IL10: variants seen among roughly 807,000 people sequenced by gnomAD.
IL10 encodes interleukin-10.
IL10 carries 7 observed loss-of-function variants against 21.0 expected under a neutral mutation model. The observed-to-expected ratio is 0.33, with a 90% CI of 0.19 to 0.63. The LOEUF is 0.63. Ranked by LOEUF, IL10 falls within the 20% of genes least tolerant of loss-of-function variation. The probability of loss-of-function intolerance (pLI) is 0.77; values close to 1 mark genes in which losing one functional copy is unlikely to be tolerated. For missense variants in IL10, 161 were observed against 213.0 expected, an observed-to-expected ratio of 0.76 and a Z score of 1.52; for synonymous variants, 83 against 79.7, an observed-to-expected ratio of 1.04 and a Z score of -0.22.
At chr1:206,771,511 TAAA>T in intron 1 of IL10, 96 bp from the exon 2 acceptor site, 2 of 1,060,920 alleles carry the variant, frequency 1.9e-6, no homozygotes, top group Non-Finnish European at 2.8e-6. Flanking sequence ...TTTTTTTTTT[TAAA>T]TAAAATTGGC....
Position 206,768,604 on chromosome 1 carries a change from C to CTATAGAGT in IL10, c.*31_*32insACTCTATA. On this transcript the variant is annotated 3_prime_UTR_variant, in exon 5 of 5. Transcript: ENST00000423557. The stretch of plus-strand genomic sequence containing the variant: ...GATTTTGGAGACCTCTAATTTATGT[C>CTATAGAGT]CTAGAGTCTATAGAGTCGCCACCCT... The CTATAGAGT allele has an allele frequency of 7.8e-7, 1 of 1,276,156 alleles. No individual in the cohort carries two copies. The highest frequency in any genetic ancestry group is 1.1e-6 in the Non-Finnish European group (1 of 872,598). 79.1% of individuals were successfully genotyped at this position (1,276,156 alleles called of 1,614,324 possible).
intron 3 of IL10, chr1:206,770,280 C>G (rs1227445052): frequency 5.5e-6 from 2 of 364,648 alleles, no homozygotes; most frequent in African/African-American, 4.2e-5. Flanking sequence ...CTACTGGGAC[C>G]AAACCCTTCA....
intron 4 of IL10, 83 bp from the exon 5 acceptor site, chr1:206,768,811 C>T: frequency 1.2e-6 from 1 of 833,400 alleles, no homozygotes; most frequent in Non-Finnish European, 2.1e-6. Flanking sequence ...CATGGATGGG[C>T]ATGACCTTGA....
chr1:206,771,296 A>G lies in IL10; in HGVS notation c.225+60T>C, dbSNP rs1674829646. ...ACCCAATTCCCTGCAATCAGGAAGC[A>G]GAGTCTCCCTTCCCTTAATCATGCT... On this transcript the variant is annotated intron_variant, in intron 2 of 4. Transcript: ENST00000423557. 2.1e-6 allele frequency: 3 copies of G among 1,453,098 alleles called. No homozygotes were observed. In the African/African-American group the frequency reaches 4.2e-5, roughly 20 times the overall value. 90.0% of individuals were successfully genotyped at this position (1,453,098 alleles called of 1,614,324 possible).
At position 206,768,499 on chromosome 1, in the gene IL10, A is replaced by G. The variant is rs1306122687; in HGVS notation, c.*137T>C. The G allele has an allele frequency of 6.2e-5, 41 of 660,952 alleles. No individual in the cohort carries two copies. In the Admixed American group the frequency reaches 9.4e-4, roughly 15 times the overall value. The allele number at this position is 660,952 out of a possible 1,614,324, so 40.9% of individuals were successfully genotyped here. ...AAATAGAAATGGGGGTTGAGGTATCAGAGGTAATAAATATTCTATAAGAGA... is the reference window on the plus strand; with the variant it reads ...AAATAGAAATGGGGGTTGAGGTATCGGAGGTAATAAATATTCTATAAGAGA... On this transcript the variant is annotated 3_prime_UTR_variant, in exon 5 of 5. Transcript: ENST00000423557.
rs1674737441 is a variant in IL10, at chr1:206,768,799, C to G, written c.445-71G>C. The G allele has an allele frequency of 3.3e-6, 3 of 902,858 alleles. No homozygotes were observed. The South Asian group carries it at 4.0e-5, about 12-fold the overall frequency. 55.9% of individuals were successfully genotyped at this position (902,858 alleles called of 1,614,324 possible). On this transcript the variant is annotated intron_variant, in intron 4 of 4. Transcript: ENST00000423557. ...ACTAAATAGGCTCCCCTCCCTCATG[C>G]TCATGGATGGGCATGACCTTGAGTG...
At position 206,772,482 on chromosome 1, in the gene IL10, G is replaced by T; in HGVS notation, c.-47C>A. The stretch of plus-strand genomic sequence containing the variant: ...TTGTGGTTTGGTTTTGCAAGAGCAA[G>T]CCCCTGATGTGTAGACCTTCACCTC... On this transcript the variant is annotated 5_prime_UTR_variant, in exon 1 of 5. Coordinates refer to ENST00000423557, the MANE Select transcript of IL10 (RefSeq NM_000572.3). 6.3e-7 allele frequency: 1 copy of T among 1,583,602 alleles called. No individual in the cohort carries two copies. The highest frequency in any genetic ancestry group is 8.7e-7 in the Non-Finnish European group (1 of 1,154,476).
intron 1 of IL10, among the ~76,000 whole-genome samples, 176 bp downstream of exon 1, chr1:206,772,095 G>A (rs1314376656): frequency 1.3e-5 from 2 of 152,196 alleles, no homozygotes; most frequent in East Asian, 3.8e-4. Flanking sequence ...ATCTGGCTTA[G>A]CTTAACTCAC....
intron 1 of IL10, among the ~76,000 whole-genome samples, chr1:206,771,979 T>G (rs1050855077): frequency 6.6e-6 from 1 of 152,238 alleles, no homozygotes; most frequent in Non-Finnish European, 1.5e-5. Context: ...TCTTTACTTC[T>G]CCTAGCCAAT....
At chr1:206,772,242 G>C (rs1472452994) in intron 1 of IL10, 29 bp downstream of exon 1, 2 of 1,605,282 alleles carry the variant, frequency 1.2e-6, no homozygotes, top group Non-Finnish European at 1.7e-6. Flanking sequence ...CCCAGGAAGA[G>C]AGAAAGGACA....
chr1:206,770,006 T>C lies in IL10; in HGVS notation c.379-112A>G, dbSNP rs3024494. 0.99 allele frequency: 787,570 copies of C among 792,986 alleles called. 391,266 individuals are homozygous for C. The highest frequency in any genetic ancestry group is 1 in the East Asian group (39,036 of 39,036). The allele number at this position is 792,986 out of a possible 1,614,324, so 49.1% of individuals were successfully genotyped here. A position where few individuals can be genotyped will look rare whatever the true frequency, so the allele number is the denominator to read the frequency against. On this transcript the variant is annotated intron_variant, in intron 3 of 4. Transcript: ENST00000423557. Reference sequence around the variant, plus strand: ...GGAGGCCAGATTTATCCAAATGCCTTGCCTCACAGCTCCCAGAGAGAACTG... The same window carrying C: ...GGAGGCCAGATTTATCCAAATGCCTCGCCTCACAGCTCCCAGAGAGAACTG...
chr1:206,771,355 C>T lies in IL10; in HGVS notation c.225+1G>A, dbSNP rs1674834967. On this transcript the variant is annotated splice_donor_variant, in intron 2 of 4. Transcript: ENST00000423557. LOFTEE classifies it high-confidence loss of function. ...CCCCAGCACCCCGCCCCTGCTCTCA[C>T]CTTAAAGTCCTCCAGCAAGGACTCC... is the stretch of plus-strand genomic sequence containing the variant. 2 of 1,613,318 alleles carry T rather than the reference C, an allele frequency of 1.2e-6. No individual in the cohort carries two copies. Among genetic ancestry groups the T allele is most frequent in the African/African-American group, 1.3e-5 (1 of 74,884 alleles).
intron 2 of IL10, 75 bp from the exon 3 acceptor site, chr1:206,771,134 A>C: frequency 6.6e-7 from 1 of 1,508,502 alleles, no homozygotes. Context: ...AACTAGCTTA[A>C]GAGGACAGCT....
At chr1:206,771,913 A>G (rs1674856778) in intron 1 of IL10, among the ~76,000 whole-genome samples, 1 of 152,218 alleles carries the variant, frequency 6.6e-6, no homozygotes, top group South Asian at 2.1e-4. Context: ...AGCAGAGGCA[A>G]TTTAAATTTC....
In IL10 at chr1:206,770,914, C is replaced by T. The variant is rs201365412; in HGVS notation, c.371G>A (p.Arg124Gln). The T allele has an allele frequency of 1.2e-4, 186 of 1,614,054 alleles. 1 individual carries two copies. In the East Asian group the frequency reaches 3.4e-3, roughly 29 times the overall value. Residue 124 changes from arginine (R) to glutamine (Q), a missense_variant, in exon 3 of 5, where the codon CGG (arginine) becomes CAG (glutamine). Arg to Gln is a conservative substitution (Grantham distance 43, BLOSUM62 1). Coordinates refer to ENST00000423557, the MANE Select transcript of IL10 (RefSeq NM_000572.3). ...ENLKTLRLRLRRCHRFLPCEN... is the reference protein window; with the variant it reads ...ENLKTLRLRLQRCHRFLPCEN... ...AACTGATCTGCTACTTACACAGCGCCGTAGCCTCAGCCTGAGGGTCTTCAG... is the reference window on the plus strand; with the variant it reads ...AACTGATCTGCTACTTACACAGCGCTGTAGCCTCAGCCTGAGGGTCTTCAG...
chr1:206,769,910 G>T lies in IL10; in HGVS notation c.379-16C>A. 4 of 1,610,396 alleles carry T rather than the reference G, an allele frequency of 2.5e-6. No individual in the cohort carries two copies. The highest frequency in any genetic ancestry group is 3.4e-6 in the Non-Finnish European group (4 of 1,176,622). On this transcript the variant is annotated splice_polypyrimidine_tract_variant and intron_variant, in intron 3 of 4. Coordinates refer to ENST00000423557, the MANE Select transcript of IL10 (RefSeq NM_000572.3). ...GAAATCGATGCTGTGGAAGAAAAGA[G>T]AAAGTGTTGGTGATCCTGGCTTCCA...
At chr1:206,768,794 T>A in intron 4 of IL10, 66 bp from the exon 5 acceptor site, 1 of 933,924 alleles carries the variant, frequency 1.1e-6, no homozygotes, top group Non-Finnish European at 1.8e-6. Context: ...CTCCCCTCCC[T>A]CATGCTCATG....
Position 206,768,612 on chromosome 1 carries a change from C to A in IL10, c.*24G>T. 7.3e-7 allele frequency: 1 copy of A among 1,366,038 alleles called. No individual in the cohort carries two copies. The highest frequency in any genetic ancestry group is 1.0e-6 in the Non-Finnish European group (1 of 954,348). 84.6% of individuals were successfully genotyped at this position (1,366,038 alleles called of 1,614,324 possible). On this transcript the variant is annotated 3_prime_UTR_variant, in exon 5 of 5. Coordinates refer to ENST00000423557, the MANE Select transcript of IL10 (RefSeq NM_000572.3). ...AGACCTCTAATTTATGTCCTAGAGT[C>A]TATAGAGTCGCCACCCTGATGTCTC... is the stretch of plus-strand genomic sequence containing the variant.
rs549828182 is a variant in IL10, at chr1:206,771,066, G to T, written c.226-7C>A. ...CTTGGCAACCCAGGTAACCCTAAGG[G>T]CAGGAGCCAAAGGTGAGTGAGAGAT... On this transcript the variant is annotated splice_polypyrimidine_tract_variant and splice_region_variant and intron_variant, in intron 2 of 4. Transcript: ENST00000423557. The T allele has an allele frequency of 2.5e-6, 4 of 1,614,052 alleles. No individual in the cohort carries two copies. In the African/African-American group the frequency reaches 4.0e-5, roughly 16 times the overall value.
Sources: allele counts gnomAD v4.1 joint callset (sites outside exome capture counted in the v4.1 genomes callset), GRCh38; gene constraint gnomAD v4.1.1; transcripts MANE v1.5; gene names NCBI Gene and HGNC (gene_info 2026-07-23, HGNC 2026-07-21).